The following TLN2 variants were observed in gnomAD, a reference collection of about 807,000 sequenced individuals.
The protein encoded by TLN2 is talin 2, also known as talin-2.
TLN2 carries 118 observed loss-of-function variants against 294.7 expected under a neutral mutation model. That is an observed-to-expected ratio of 0.40 (90% confidence interval 0.34 to 0.47). The LOEUF (loss-of-function observed/expected upper bound fraction) is 0.47, where lower values mean the gene tolerates loss of function less well. Ranked by LOEUF, TLN2 falls within the 20% of genes least tolerant of loss-of-function variation. The pLI is 0.84. For synonymous variants in TLN2, 1,431 were observed against 1,304.5 expected (o/e 1.10, Z -2.09); for missense variants, 3,083 against 3,282.2 (o/e 0.94, Z 1.48).
At chr15:62,639,319 T>C (rs2050739689) in intron 3 of TLN2, among the ~76,000 whole-genome samples, 1 of 152,134 alleles carries the variant, frequency 6.6e-6, no homozygotes, top group African/African-American at 2.4e-5. Context: ...GCCCTGCCGT[T>C]TACTTAGGGA....
chr15:62,652,850 C>G (rs2052751159), intron 6 of TLN2, among the ~76,000 whole-genome samples: 1 of 151,988 alleles, frequency 6.6e-6, no homozygotes, highest in African/African-American at 2.4e-5. Context: ...GACAATAACC[C>G]TGTGAAAATG....
intron 1 of TLN2, among the ~76,000 whole-genome samples, chr15:62,580,798 T>A (rs2140686660): frequency 1.3e-5 from 2 of 152,196 alleles, no homozygotes; most frequent in South Asian, 4.2e-4. Context: ...TGCAAAGTAG[T>A]TTCACTGCCC....
At chr15:62,647,854 C>G (rs2052077811) in intron 4 of TLN2, among the ~76,000 whole-genome samples, 1 of 152,046 alleles carries the variant, frequency 6.6e-6, no homozygotes, top group African/African-American at 2.4e-5. Context: ...TCTTATATTT[C>G]AAGTTTTTTG....
intron 1 of TLN2, among the ~76,000 whole-genome samples, chr15:62,465,532 T>C (rs2037084502): frequency 6.6e-6 from 1 of 152,174 alleles, no homozygotes; most frequent in Non-Finnish European, 1.5e-5. Flanking sequence ...TATCGGGTTA[T>C]GTGTGGAGGG....
chr15:62,600,267 A>G (rs1026836011), intron 2 of TLN2, among the ~76,000 whole-genome samples: 5 of 152,244 alleles, frequency 3.3e-5, no homozygotes, highest in East Asian at 3.8e-4. Context: ...TTCCAGGATG[A>G]GTAAAATTTT....
intron 47 of TLN2, 43 bp from the exon 48 acceptor site, chr15:62,797,176 C>G (rs1289136943): frequency 1.9e-6 from 3 of 1,608,138 alleles, no homozygotes; most frequent in African/African-American, 1.3e-5. Context: ...CAAGCTTTGC[C>G]CTCTGTCTCT....
chr15:62,797,162 T>C, intron 47 of TLN2, 57 bp from the exon 48 acceptor site: 1 of 1,586,762 alleles, frequency 6.3e-7, no homozygotes. Context: ...CTTCTTGAAG[T>C]AATCAAGCTT....
chr15:62,470,770 A>G (rs1476302439), intron 1 of TLN2, among the ~76,000 whole-genome samples: 1 of 152,206 alleles, frequency 6.6e-6, no homozygotes, highest in African/African-American at 2.4e-5. Context: ...TTGAAGGTCT[A>G]AAAGTTTGGT....
intron 3 of TLN2, chr15:62,637,855 A>G (rs1238113783): frequency 1.3e-5 from 2 of 152,322 alleles, no homozygotes; most frequent in African/African-American, 4.8e-5. Flanking sequence ...GCTGACGGGT[A>G]ACGGAGGACC....
chr15:62,535,318 C>T (rs995345518), intron 1 of TLN2, among the ~76,000 whole-genome samples: 2 of 152,116 alleles, frequency 1.3e-5, no homozygotes, highest in Admixed American at 6.5e-5. Context: ...ATTTGGGGTA[C>T]AGCCTATGCG....
At chr15:62,404,013 A>C (rs1279126019) in intron 1 of TLN2, among the ~76,000 whole-genome samples, 1 of 152,202 alleles carries the variant, frequency 6.6e-6, no homozygotes, top group Non-Finnish European at 1.5e-5. Context: ...GTACTCGACA[A>C]AAAATTCTTA....
chr15:62,748,585 TC>T, intron 33 of TLN2, 141 bp downstream of exon 33: 2 of 693,530 alleles, frequency 2.9e-6, no homozygotes, highest in Non-Finnish European at 4.8e-6. Context: ...CTTTTATCTT[TC>T]CTTGGAGGCT....
chr15:62,745,322 A>G (rs1318348447), intron 32 of TLN2, among the ~76,000 whole-genome samples: 1 of 152,106 alleles, frequency 6.6e-6, no homozygotes, highest in African/African-American at 2.4e-5. Context: ...GATCACTAAA[A>G]AAAGATGGTA....
chr15:62,835,928 A>G lies in TLN2; in HGVS notation c.7229A>G (p.Glu2410Gly), dbSNP rs1294203012. Residue 2410 changes from glutamate to glycine, a missense_variant, in exon 57 of 59, where the codon GAG (glutamate) becomes GGG (glycine). Physicochemically the swap from Glu to Gly is moderately conservative, Grantham distance 98. Transcript: ENST00000636159. The part of the protein sequence containing the change: ...MVAAATSSLC[E>G]AANASVQGHA... Reference sequence around the variant, plus strand: ...GCGGCTGCGACCAGCAGTCTCTGTGAGGCGGCCAATGCCTCCGTTCAGGGA... The same window carrying G: ...GCGGCTGCGACCAGCAGTCTCTGTGGGGCGGCCAATGCCTCCGTTCAGGGA... 6.2e-7 allele frequency: 1 copy of G among 1,614,028 alleles called. No homozygotes were observed. Among genetic ancestry groups the G allele is most frequent in the Non-Finnish European group, 8.5e-7 (1 of 1,180,036 alleles).
chr15:62,825,810 A>ATG (rs2068066965), intron 54 of TLN2, among the ~76,000 whole-genome samples: 1 of 3,420 alleles, frequency 2.9e-4, no homozygotes, highest in Non-Finnish European at 1.0e-3. Flanking sequence ...ATTATATATT[A>ATG]TATTATAATA....
intron 54 of TLN2, chr15:62,831,388 C>A (rs771194761): frequency 1.3e-5 from 2 of 151,980 alleles, no homozygotes; most frequent in Admixed American, 6.6e-5. Flanking sequence ...TTCCCTGGTG[C>A]TTTAATCTGT....
intron 1 of TLN2, among the ~76,000 whole-genome samples, chr15:62,554,892 C>CT (rs1376507373): frequency 6.6e-6 from 1 of 151,954 alleles, no homozygotes; most frequent in African/African-American, 2.4e-5. Flanking sequence ...GTGGAGAAAA[C>CT]TTAAGGGTCT....
chr15:62,797,471 G>A, intron 48 of TLN2, 69 bp downstream of exon 48: 1 of 1,484,860 alleles, frequency 6.7e-7, no homozygotes, highest in East Asian at 2.3e-5. Flanking sequence ...GGCCTCAGAA[G>A]AGGCCTAAGG....
At chr15:62,555,838 A>G (rs931646440) in intron 1 of TLN2, among the ~76,000 whole-genome samples, 1 of 150,030 alleles carries the variant, frequency 6.7e-6, no homozygotes, top group Non-Finnish European at 1.5e-5. Flanking sequence ...GAATATGTCT[A>G]TTTTCATAAT....
Sources: gnomAD v4.1 joint callset for allele counts (sites outside exome capture counted in the v4.1 genomes callset) on GRCh38, gnomAD v4.1.1 for gene constraint, MANE v1.5 for transcripts, NCBI Gene and HGNC (gene_info 2026-07-23, HGNC 2026-07-21) for gene names.